Variants in PDE7A observed in about 807,000 individuals in gnomAD.
PDE7A encodes the protein phosphodiesterase 7A, also known as high affinity 3',5'-cyclic-AMP phosphodiesterase 7A.
A neutral mutation model predicts 64.3 loss-of-function variants in PDE7A; 39 were observed. The ratio of observed to expected loss-of-function variants is 0.61; its 90% CI spans 0.47 to 0.79. The LOEUF (loss-of-function observed/expected upper bound fraction) is 0.79. Among genes scored for constraint, PDE7A ranks in the 30% least tolerant of loss-of-function variants. The probability of loss-of-function intolerance (pLI) is 0.00; values close to 1 mark genes in which losing one functional copy is unlikely to be tolerated. For missense variants in PDE7A, 470 were observed against 582.8 expected (o/e 0.81, Z 1.99); for synonymous variants, 203 against 206.8 (o/e 0.98, Z 0.16).
chr8:65,779,961 G>T (rs1809366086), intron 2 of PDE7A, among the ~76,000 whole-genome samples, 158 bp from the exon 3 acceptor site: 1 of 152,082 alleles, frequency 6.6e-6, no homozygotes, highest in South Asian at 2.1e-4. Flanking sequence ...ATTCAAAAGG[G>T]TTCACAAAAT....
Position 65,719,409 on chromosome 8 carries a change from C to G in PDE7A, c.1330G>C (p.Val444Leu). ...TTCCAGCTGGCTTTATTCAGCCCCA[C>G]GTGTCCAAGCATTGTCTGGGATAGC... ...TRLSQTMLGH[V>L]GLNKASWKGL... Residue 444 changes from valine to leucine, a missense_variant, in exon 13 of 13, where the codon GTG becomes CTG. Transcript: ENST00000401827. The G allele has an allele frequency of 1.2e-6, 2 of 1,613,988 alleles. No individual in the cohort carries two copies. The highest frequency in any genetic ancestry group is 1.7e-6 in the Non-Finnish European group (2 of 1,179,848).
chr8:65,738,339 A>G (rs563128820), intron 6 of PDE7A, among the ~76,000 whole-genome samples: 1 of 152,354 alleles, frequency 6.6e-6, no homozygotes, highest in African/African-American at 2.4e-5. Context: ...AATGAGGGTC[A>G]GAAAATGAGA....
At chr8:65,764,839 T>C (rs1700848754) in intron 3 of PDE7A, among the ~76,000 whole-genome samples, 2 of 152,234 alleles carry the variant, frequency 1.3e-5, no homozygotes. Flanking sequence ...GGGAAAATTC[T>C]GTATGCTTTC....
intron 1 of PDE7A, among the ~76,000 whole-genome samples, chr8:65,791,146 A>G (rs1220688024): frequency 6.6e-6 from 1 of 152,232 alleles, no homozygotes; most frequent in Non-Finnish European, 1.5e-5. Context: ...ATCATAATTG[A>G]GATGAAGATT....
rs995018229 is a variant in PDE7A, at chr8:65,829,821, G to C, written c.138+11550C>G. 5.3e-5 allele frequency among the ~76,000 whole-genome samples: 8 copies of C among 151,940 alleles called. 1 individual carries two copies. Among genetic ancestry groups the C allele is most frequent in the African/African-American group, 1.5e-4 (6 of 41,350 alleles). The stretch of plus-strand genomic sequence containing the variant: ...TAGAAAAAAAATGACAGATGAATAA[G>C]GTATTATTTCTGTATAGCTATGGAG... On this transcript the variant is annotated intron_variant, in intron 1 of 12. Transcript: ENST00000401827.
At chr8:65,750,594 C>G (rs981901165) in intron 3 of PDE7A, among the ~76,000 whole-genome samples, 26 of 151,736 alleles carry the variant, frequency 1.7e-4, no homozygotes, top group Non-Finnish European at 3.7e-4. Context: ...ATGAATTAGC[C>G]TCATTTGAGA....
chr8:65,735,978 G>A (rs1807113404), intron 6 of PDE7A, among the ~76,000 whole-genome samples: 1 of 152,026 alleles, frequency 6.6e-6, no homozygotes, highest in South Asian at 2.1e-4. Context: ...ATATTCTTGG[G>A]GGATATGTTC....
At chr8:65,798,206 A>ATATATATATATATATATATATATTT in intron 1 of PDE7A, among the ~76,000 whole-genome samples, 3 of 73,810 alleles carry the variant, frequency 4.1e-5, no homozygotes, top group East Asian at 3.6e-4. Flanking sequence ...ATATATATAT[A>ATATATATATATATATATATATATTT]TTTTTTTTTT....
chr8:65,723,422 A>G, intron 12 of PDE7A, 119 bp downstream of exon 12: 1 of 1,022,132 alleles, frequency 9.8e-7, no homozygotes, highest in Non-Finnish European at 1.3e-6. Context: ...AATTTCTTAA[A>G]TTATTTTTAA....
At position 65,744,359 on chromosome 8, in the gene PDE7A, C is replaced by T. The variant is rs556280226; in HGVS notation, c.499+1048G>A. On this transcript the variant is annotated intron_variant, in intron 5 of 12. Coordinates refer to ENST00000401827, the MANE Select transcript of PDE7A (RefSeq NM_001242318.3). ...AATAAAAATATACTAAAAGGTAGAA[C>T]TGCCTAAGGTTTAGTGGTCCTCAAT... Among the ~76,000 whole-genome samples the T allele has an allele frequency of 1.8e-3, 279 of 152,250 alleles. 1 individual carries two copies. The highest frequency in any genetic ancestry group is 0.011 in the South Asian group (54 of 4,830).
At chr8:65,790,567 A>G (rs1809673472) in intron 1 of PDE7A, among the ~76,000 whole-genome samples, 4 of 152,242 alleles carry the variant, frequency 2.6e-5, no homozygotes, top group Admixed American at 2.6e-4. Flanking sequence ...AATCCTCAGT[A>G]CAAAGAGCTT....
intron 3 of PDE7A, among the ~76,000 whole-genome samples, chr8:65,759,860 A>AT (rs201184630): frequency 6.7e-5 from 10 of 150,248 alleles, no homozygotes; most frequent in Admixed American, 3.3e-4. Context: ...GGTACTCTAG[A>AT]TTTTTTTTTT....
At chr8:65,828,072 C>T (rs901507268) in intron 1 of PDE7A, among the ~76,000 whole-genome samples, 7 of 151,906 alleles carry the variant, frequency 4.6e-5, no homozygotes, top group Admixed American at 2.6e-4. Context: ...GATACTCTAA[C>T]AGACATGTTA....
intron 7 of PDE7A, among the ~76,000 whole-genome samples, chr8:65,730,802 C>G: frequency 6.6e-6 from 1 of 152,076 alleles, no homozygotes; most frequent in East Asian, 1.9e-4. Context: ...GTGGCACATG[C>G]CTATCAGCTA....
At chr8:65,766,190 C>A (rs1278926527) in intron 3 of PDE7A, among the ~76,000 whole-genome samples, 2 of 152,242 alleles carry the variant, frequency 1.3e-5, no homozygotes, top group Non-Finnish European at 2.9e-5. Context: ...AGGTGATCCA[C>A]CCGCCTTGGC....
At chr8:65,727,020 A>T in intron 8 of PDE7A, 54 bp from the exon 9 acceptor site, 2 of 1,065,436 alleles carry the variant, frequency 1.9e-6, no homozygotes, top group Non-Finnish European at 2.9e-6. Flanking sequence ...TTCTGGACAT[A>T]TCATTACTAA....
chr8:65,836,701 T>C (rs1810959810), intron 1 of PDE7A, among the ~76,000 whole-genome samples: 1 of 152,214 alleles, frequency 6.6e-6, no homozygotes, highest in Non-Finnish European at 1.5e-5. Flanking sequence ...ACCTCTGCTC[T>C]GCCAATTGAA....
At chr8:65,823,349 G>A (rs1295935283) in intron 1 of PDE7A, among the ~76,000 whole-genome samples, 1 of 152,066 alleles carries the variant, frequency 6.6e-6, no homozygotes, top group Non-Finnish European at 1.5e-5. Context: ...GGTAATCTAT[G>A]TTCTGCTTTT....
At chr8:65,839,171 A>G (rs1293231490) in intron 1 of PDE7A, among the ~76,000 whole-genome samples, 1 of 152,178 alleles carries the variant, frequency 6.6e-6, no homozygotes, top group African/African-American at 2.4e-5. Context: ...GCCAGTTTTA[A>G]GCATATTTTA....
Sources: allele counts gnomAD v4.1 joint callset (sites outside exome capture counted in the v4.1 genomes callset), GRCh38; gene constraint gnomAD v4.1.1; transcripts MANE v1.5; gene names NCBI Gene and HGNC (gene_info 2026-07-23, HGNC 2026-07-21).